Variants in C7 observed in about 807,000 individuals in gnomAD.
C7 encodes complement C7.
C7 carries 83 observed loss-of-function variants against 104.8 expected under a neutral mutation model. That is an observed-to-expected ratio of 0.79 (90% CI 0.66 to 0.95). C7 has a LOEUF of 0.95. Among genes scored for constraint, C7 ranks in the 40% least tolerant of loss-of-function variants. The pLI is 0.00. For missense variants in C7, 1,070 were observed against 1,011.2 expected (o/e 1.06, Z -0.79); for synonymous variants, 415 against 360.6 (o/e 1.15, Z -1.71).
chr5:40,932,767 G>A (rs1269247875), intron 3 of C7, among the ~76,000 whole-genome samples: 2 of 151,928 alleles, frequency 1.3e-5, no homozygotes, highest in African/African-American at 2.4e-5. Context: ...GAAGCAGAGA[G>A]ATAGAGGGTG....
At chr5:40,976,632 T>G in intron 15 of C7, 118 bp from the exon 16 acceptor site, 1 of 607,318 alleles carries the variant, frequency 1.6e-6, no homozygotes, top group Non-Finnish European at 2.9e-6. Flanking sequence ...ATTGTTACTG[T>G]GCAAATGCAT....
intron 7 of C7, among the ~76,000 whole-genome samples, chr5:40,945,933 C>T (rs973462554): frequency 2.9e-5 from 4 of 139,482 alleles, no homozygotes; most frequent in African/African-American, 1.0e-4. Context: ...TAGTTTTAAA[C>T]TTCTCATTAA....
intron 1 of C7, among the ~76,000 whole-genome samples, chr5:40,917,701 A>G (rs1561235592): frequency 6.6e-6 from 1 of 152,224 alleles, no homozygotes; most frequent in African/African-American, 2.4e-5. Flanking sequence ...AGATCCTTCA[A>G]ACTTCTATTT....
At chr5:40,949,360 CA>C (rs397697540) in intron 8 of C7, among the ~76,000 whole-genome samples, 5,629 of 127,752 alleles carry the variant, frequency 0.044, 299 homozygotes, top group African/African-American at 0.14. Flanking sequence ...AATGCATTGG[CA>C]AAAAAAAAAA....
chr5:40,963,009 C>T (rs1281897257), intron 13 of C7, among the ~76,000 whole-genome samples: 3 of 152,060 alleles, frequency 2.0e-5, no homozygotes, highest in African/African-American at 7.2e-5. Context: ...GAGAGAAAAT[C>T]AACCTAGCAT....
At position 40,983,807 on chromosome 5, in the gene C7, G is replaced by C. The variant is rs967027685; in HGVS notation, c.*2234G>C. Among the ~76,000 whole-genome samples, 7 of 152,200 alleles carry C rather than the reference G, an allele frequency of 4.6e-5. No homozygotes were observed. Among genetic ancestry groups the C allele is most frequent in the African/African-American group, 1.7e-4 (7 of 41,458 alleles). On this transcript the variant is annotated 3_prime_UTR_variant, in exon 18 of 18. Transcript: ENST00000313164. ...CAAAAATAAATGGAAAAAGAATAAAGACTGTGAGAATTCCATCTTCCTGCC... is the reference window on the plus strand; with the variant it reads ...CAAAAATAAATGGAAAAAGAATAAACACTGTGAGAATTCCATCTTCCTGCC...
chr5:40,938,490 C>A (rs761144300), intron 6 of C7, among the ~76,000 whole-genome samples: 4 of 152,016 alleles, frequency 2.6e-5, no homozygotes, highest in Non-Finnish European at 4.4e-5. Flanking sequence ...CATTCTTGTG[C>A]CTGAGTCCCA....
chr5:40,932,727 T>C (rs1739722441), intron 3 of C7, among the ~76,000 whole-genome samples: 1 of 152,196 alleles, frequency 6.6e-6, no homozygotes, highest in African/African-American at 2.4e-5. Context: ...AATATTTTTA[T>C]CATTTAAAGA....
intron 1 of C7, among the ~76,000 whole-genome samples, chr5:40,921,261 A>G (rs1226498884): frequency 1.3e-5 from 2 of 152,186 alleles, no homozygotes; most frequent in Non-Finnish European, 2.9e-5. Flanking sequence ...CAAAGAAGTT[A>G]AAGATTCTAC....
At chr5:40,958,988 A>G (rs1257477755) in intron 11 of C7, among the ~76,000 whole-genome samples, 2 of 152,188 alleles carry the variant, frequency 1.3e-5, no homozygotes, top group Non-Finnish European at 2.9e-5. Context: ...AGGCATCCTT[A>G]TCCCTAAATG....
chr5:40,947,463 A>C (rs1740073941), intron 7 of C7, 139 bp from the exon 8 acceptor site: 1 of 884,932 alleles, frequency 1.1e-6, no homozygotes, highest in African/African-American at 1.7e-5. Flanking sequence ...AAGAGTGCTC[A>C]TCATGCGTCA....
At chr5:40,961,355 T>A (rs1740415868) in intron 12 of C7, among the ~76,000 whole-genome samples, 1 of 151,900 alleles carries the variant, frequency 6.6e-6, no homozygotes, top group African/African-American at 2.4e-5. Context: ...TTGTGTTACC[T>A]CTCTTTTGGG....
chr5:40,971,811 C>T (rs1026804095), intron 14 of C7, among the ~76,000 whole-genome samples: 1 of 152,052 alleles, frequency 6.6e-6, no homozygotes, highest in Non-Finnish European at 1.5e-5. Flanking sequence ...ATATGGCTTG[C>T]CGGTTTTCCC....
At chr5:40,913,310 T>A (rs1739249031) in intron 1 of C7, among the ~76,000 whole-genome samples, 2 of 152,138 alleles carry the variant, frequency 1.3e-5, no homozygotes, top group Non-Finnish European at 2.9e-5. Context: ...TTCCTTTGGG[T>A]AGATACCCAG....
chr5:40,932,110 C>T (rs1739697278), intron 3 of C7, among the ~76,000 whole-genome samples: 1 of 151,952 alleles, frequency 6.6e-6, no homozygotes, highest in African/African-American at 2.4e-5. Flanking sequence ...GTATTTATTC[C>T]CTCAGCTCTG....
Position 40,981,628 on chromosome 5 carries a change from G to C in C7, c.*55G>C. The C allele has an allele frequency of 6.8e-7, 1 of 1,478,540 alleles. No individual in the cohort carries two copies. Among genetic ancestry groups the C allele is most frequent in the Non-Finnish European group, 9.2e-7 (1 of 1,088,698 alleles). The allele number at this position is 1,478,540 out of a possible 1,614,324, so 91.6% of individuals were successfully genotyped here. Reference sequence around the variant, plus strand: ...GAATCCAGCAGGCAGCTGGGGCTGAGTGAAAACATCTGCACAACTGGGCAC... The same window carrying C: ...GAATCCAGCAGGCAGCTGGGGCTGACTGAAAACATCTGCACAACTGGGCAC... On this transcript the variant is annotated 3_prime_UTR_variant, in exon 18 of 18. Transcript: ENST00000313164.
chr5:40,939,571 T>A (rs1488192133), intron 6 of C7, among the ~76,000 whole-genome samples: 1 of 152,220 alleles, frequency 6.6e-6, no homozygotes, highest in African/African-American at 2.4e-5. Flanking sequence ...ACGTGGTGAA[T>A]AACATGTATT....
chr5:40,916,014 TGG>T (rs1739308624), intron 1 of C7, among the ~76,000 whole-genome samples: 1 of 152,312 alleles, frequency 6.6e-6, no homozygotes, highest in South Asian at 2.1e-4. Context: ...AGTTATAAAT[TGG>T]ATGCATTTGA....
In C7 at chr5:40,945,276, ACAT is replaced by A; in HGVS notation, c.651_653del (p.Ser219del). ...TGTAAAACATACGTCGACAGAACAC[ACAT>A]CATCTAGTCGGAAGCGCTCCTTTTT... On this transcript the variant is annotated inframe_deletion, in exon 7 of 18. Coordinates refer to ENST00000313164, the MANE Select transcript of C7 (RefSeq NM_000587.4). 6.3e-7 allele frequency: 1 copy of A among 1,599,756 alleles called. No homozygotes were observed. The highest frequency in any genetic ancestry group is 1.3e-5 in the African/African-American group (1 of 74,682).
Sources: gnomAD v4.1 joint callset for allele counts (sites outside exome capture counted in the v4.1 genomes callset) on GRCh38, gnomAD v4.1.1 for gene constraint, MANE v1.5 for transcripts, NCBI Gene and HGNC (gene_info 2026-07-23, HGNC 2026-07-21) for gene names.